Variants in ERC2 observed in about 807,000 individuals in gnomAD.
The protein encoded by ERC2 is ELKS/RAB6-interacting/CAST family member 2.
A neutral mutation model predicts 114.8 loss-of-function variants in ERC2; 42 were observed. The observed-to-expected ratio is 0.37, with a 90% CI of 0.29 to 0.47. ERC2 has a LOEUF of 0.47. ERC2 is among the 20% of genes least tolerant of loss of function. The pLI, the probability that ERC2 is intolerant of heterozygous loss-of-function variation, is 0.99. For missense variants in ERC2, 939 were observed against 1,150.7 expected, an observed-to-expected ratio of 0.82 and a Z score of 2.66; for synonymous variants, 454 against 425.5, an observed-to-expected ratio of 1.07 and a Z score of -0.82.
intron 3 of ERC2, among the ~76,000 whole-genome samples, chr3:56,285,232 G>A (rs2054618924): frequency 6.6e-6 from 1 of 151,764 alleles, no homozygotes; most frequent in Non-Finnish European, 1.5e-5. Context: ...GGGGCTAGGA[G>A]TTACTGTCCT....
chr3:56,238,039 A>G (rs2051076943), intron 3 of ERC2, among the ~76,000 whole-genome samples: 2 of 152,240 alleles, frequency 1.3e-5, no homozygotes, highest in Admixed American at 1.3e-4. Flanking sequence ...AATCTCTCTT[A>G]GACCTAGGCC....
chr3:55,542,677 T>C (rs1055236468), intron 17 of ERC2, among the ~76,000 whole-genome samples: 1 of 152,196 alleles, frequency 6.6e-6, no homozygotes, highest in Non-Finnish European at 1.5e-5. Context: ...TGAGTGTCTT[T>C]CAGATTATTT....
chr3:55,636,673 C>T (rs190682931), intron 17 of ERC2, among the ~76,000 whole-genome samples: 4 of 152,210 alleles, frequency 2.6e-5, no homozygotes, highest in East Asian at 3.9e-4. Context: ...TGGTTTCTGT[C>T]GCAACTATTT....
chr3:55,836,203 C>T (rs1360332256), intron 14 of ERC2, among the ~76,000 whole-genome samples: 2 of 152,132 alleles, frequency 1.3e-5, no homozygotes, highest in African/African-American at 4.8e-5. Flanking sequence ...GATTCAATGC[C>T]ATCCCCATCA....
At chr3:56,291,699 C>T (rs2055096692) in intron 3 of ERC2, among the ~76,000 whole-genome samples, 1 of 152,044 alleles carries the variant, frequency 6.6e-6, no homozygotes, top group Admixed American at 6.6e-5. Context: ...CCTAAAACCT[C>T]AAGTACATTT....
chr3:55,583,773 C>A (rs1412471106), intron 17 of ERC2, among the ~76,000 whole-genome samples: 1 of 151,664 alleles, frequency 6.6e-6, no homozygotes, highest in Non-Finnish European at 1.5e-5. Context: ...GAAAATCCCT[C>A]TTCCCAAGTA....
chr3:55,854,943 C>T (rs929915816), intron 14 of ERC2, among the ~76,000 whole-genome samples: 2 of 152,176 alleles, frequency 1.3e-5, no homozygotes, highest in Admixed American at 1.3e-4. Context: ...GAGACCCTCA[C>T]ATCCTTGTTT....
chr3:56,287,987 C>T (rs562686440), intron 3 of ERC2, among the ~76,000 whole-genome samples: 7 of 152,300 alleles, frequency 4.6e-5, no homozygotes, highest in Non-Finnish European at 1.0e-4. Context: ...GTCTCCATGT[C>T]CTCCCAGGGT....
In ERC2 at chr3:56,052,258, A is replaced by C. The variant is rs550732037; in HGVS notation, c.1641+28559T>G. Among the ~76,000 whole-genome samples, 4 of 152,196 alleles carry C rather than the reference A, an allele frequency of 2.6e-5. No individual in the cohort carries two copies. The East Asian group carries it at 7.7e-4, about 29-fold the overall frequency. On this transcript the variant is annotated intron_variant, in intron 7 of 17. Transcript: ENST00000288221. The stretch of plus-strand genomic sequence containing the variant: ...GCTTTCAGCCAGAAAAAGAAAAAGA[A>C]CTCAAAATGATGTGGCCACATGGAT...
intron 17 of ERC2, among the ~76,000 whole-genome samples, chr3:55,582,398 G>A (rs140657123): frequency 0.016 from 2,435 of 152,276 alleles, 209 homozygotes; most frequent in Admixed American, 0.14. Context: ...TCTGGACACC[G>A]ACCTGCTCTC....
intron 15 of ERC2, among the ~76,000 whole-genome samples, chr3:55,730,385 A>C (rs1434182605): frequency 6.6e-6 from 1 of 152,232 alleles, no homozygotes; most frequent in African/African-American, 2.4e-5. Context: ...TTGGTTGATT[A>C]TAAGGAAAAA....
intron 17 of ERC2, among the ~76,000 whole-genome samples, chr3:55,656,595 T>G (rs891991959): frequency 1.3e-5 from 2 of 152,190 alleles, no homozygotes; most frequent in Non-Finnish European, 2.9e-5. Context: ...AGCTCCTGTC[T>G]CCTTAGCATT....
chr3:55,838,138 A>G (rs143797036), intron 14 of ERC2, among the ~76,000 whole-genome samples: 1 of 152,158 alleles, frequency 6.6e-6, no homozygotes, highest in East Asian at 1.9e-4. Flanking sequence ...TTCTCTCTCA[A>G]TAAGCAACAG....
chr3:55,736,467 C>T (rs928694330), intron 14 of ERC2, among the ~76,000 whole-genome samples: 4 of 152,210 alleles, frequency 2.6e-5, no homozygotes, highest in Admixed American at 6.5e-5. Context: ...CACCTCATGT[C>T]CAAGTCGGTC....
chr3:56,212,353 A>T (rs1487997011), intron 3 of ERC2, among the ~76,000 whole-genome samples: 1 of 152,214 alleles, frequency 6.6e-6, no homozygotes, highest in East Asian at 1.9e-4. Flanking sequence ...CATGAAAAAA[A>T]TTCTCAATAT....
chr3:55,692,969 C>T (rs1234396937), intron 16 of ERC2, among the ~76,000 whole-genome samples: 1 of 152,108 alleles, frequency 6.6e-6, no homozygotes, highest in Non-Finnish European at 1.5e-5. Context: ...ACATGTGTCC[C>T]AAGTAGAATT....
At chr3:56,342,040 A>G (rs1029234980) in intron 2 of ERC2, among the ~76,000 whole-genome samples, 26 of 151,882 alleles carry the variant, frequency 1.7e-4, no homozygotes, top group African/African-American at 6.3e-4. Context: ...CTCATTTATC[A>G]CTCTGCATTC....
At chr3:55,609,091 A>C (rs1049732430) in intron 17 of ERC2, among the ~76,000 whole-genome samples, 2 of 152,142 alleles carry the variant, frequency 1.3e-5, no homozygotes, top group Non-Finnish European at 2.9e-5. Flanking sequence ...GAGAGTCCTA[A>C]AGTTATCTGA....
intron 3 of ERC2, among the ~76,000 whole-genome samples, chr3:56,226,250 A>C (rs990604491): frequency 6.6e-5 from 10 of 152,170 alleles, no homozygotes; most frequent in African/African-American, 2.4e-4. Flanking sequence ...ATGCAAGAAG[A>C]CTGCTTCTGT....
Sources: gnomAD v4.1 joint callset for allele counts (sites outside exome capture counted in the v4.1 genomes callset) on GRCh38, gnomAD v4.1.1 for gene constraint, MANE v1.5 for transcripts, NCBI Gene and HGNC (gene_info 2026-07-23, HGNC 2026-07-21) for gene names.